BTF3L4: variants seen among roughly 807,000 people sequenced by gnomAD.
The protein encoded by BTF3L4 is transcription factor BTF3 homolog 4.
A neutral mutation model predicts 16.8 loss-of-function variants in BTF3L4; 6 were observed. That is an observed-to-expected ratio of 0.36 (90% confidence interval 0.20 to 0.71). The LOEUF (loss-of-function observed/expected upper bound fraction) is 0.71, where lower values mean the gene tolerates loss of function less well. Among genes scored for constraint, BTF3L4 ranks in the 30% least tolerant of loss-of-function variants. The probability of loss-of-function intolerance (pLI) is 0.58; values close to 1 mark genes in which losing one functional copy is unlikely to be tolerated. For synonymous variants in BTF3L4, 39 were observed against 59.8 expected, an observed-to-expected ratio of 0.65 and a Z score of 1.60; for missense variants, 92 against 186.9, an observed-to-expected ratio of 0.49 and a Z score of 2.96.
At chr1:52,084,697 C>T (rs770121642) in intron 4 of BTF3L4, among the ~76,000 whole-genome samples, 1 of 151,288 alleles carries the variant, frequency 6.6e-6, no homozygotes, top group African/African-American at 2.4e-5. Context: ...GAGGCTGATG[C>T]AGGAGGATCA....
Position 52,087,061 on chromosome 1 carries a change from G to A in BTF3L4, c.*303G>A. The stretch of plus-strand genomic sequence containing the variant: ...TTTTGGTGTATGTATGTTTATGTAT[G>A]TGTGTGGGTATGTGTGTATACAGTG... On this transcript the variant is annotated 3_prime_UTR_variant, in exon 6 of 6. Transcript: ENST00000313334. 3.7e-6 allele frequency: 1 copy of A among 267,332 alleles called. No individual in the cohort carries two copies. Among genetic ancestry groups the A allele is most frequent in the Non-Finnish European group, 7.0e-6 (1 of 142,400 alleles). 16.6% of individuals were successfully genotyped at this position (267,332 alleles called of 1,614,324 possible). A position where few individuals can be genotyped will look rare whatever the true frequency, so the allele number is the denominator to read the frequency against.
chr1:52,061,983 C>A (rs950669097), intron 2 of BTF3L4, among the ~76,000 whole-genome samples: 1 of 151,538 alleles, frequency 6.6e-6, no homozygotes, highest in African/African-American at 2.4e-5. Flanking sequence ...GTCGCCCAGG[C>A]TGTAGTGCAG....
intron 3 of BTF3L4, among the ~76,000 whole-genome samples, chr1:52,073,958 C>T (rs898447568): frequency 6.6e-6 from 1 of 152,014 alleles, no homozygotes; most frequent in African/African-American, 2.4e-5. Flanking sequence ...GATCGTGTCA[C>T]TGCACTGCAG....
chr1:52,061,955 A>G (rs1358176630), intron 2 of BTF3L4, among the ~76,000 whole-genome samples: 2 of 143,552 alleles, frequency 1.4e-5, no homozygotes, highest in Non-Finnish European at 3.1e-5. Context: ...TTTTTTTTTT[A>G]AGATGGAATC....
intron 3 of BTF3L4, among the ~76,000 whole-genome samples, chr1:52,066,885 T>A (rs1182317183): frequency 3.3e-5 from 5 of 151,846 alleles, no homozygotes; most frequent in African/African-American, 4.8e-5. Flanking sequence ...TGGTATCACC[T>A]CACAATTTTA....
chr1:52,064,627 G>T (rs559242419), intron 2 of BTF3L4, among the ~76,000 whole-genome samples, 198 bp from the exon 3 acceptor site: 1 of 152,272 alleles, frequency 6.6e-6, no homozygotes, highest in East Asian at 1.9e-4. Context: ...GGAAAAAAAA[G>T]GAACTGGCTA....
At chr1:52,076,002 A>G (rs2124435887) in intron 3 of BTF3L4, among the ~76,000 whole-genome samples, 1 of 152,334 alleles carries the variant, frequency 6.6e-6, no homozygotes, top group South Asian at 2.1e-4. Context: ...TGGCTGAAAG[A>G]GCCATGAACA....
rs1327465857 is a variant in BTF3L4, at chr1:52,086,187, T to G, written c.430+16T>G. 3 of 1,600,080 alleles carry G rather than the reference T, an allele frequency of 1.9e-6. No homozygotes were observed. Among genetic ancestry groups the G allele is most frequent in the Non-Finnish European group, 1.7e-6 (2 of 1,171,506 alleles). On this transcript the variant is annotated intron_variant, in intron 5 of 5. Transcript: ENST00000313334. ...GATGTTCCAGGTAAGTGACATTTCC[T>G]TAGACTTAAGATTTTAAGCATCCTG... is the stretch of plus-strand genomic sequence containing the variant.
intron 3 of BTF3L4, among the ~76,000 whole-genome samples, chr1:52,066,686 TA>T (rs547590841): frequency 6.2e-5 from 9 of 146,326 alleles, no homozygotes; most frequent in South Asian, 2.2e-4. Context: ...TACTAAAAAT[TA>T]AAAAAAAAAT....
At position 52,056,427 on chromosome 1, in the gene BTF3L4, C is replaced by T. The variant is rs904612980; in HGVS notation, c.-14+48C>T. The T allele has an allele frequency of 3.3e-5, 5 of 153,040 alleles. No individual in the cohort carries two copies. The East Asian group carries it at 9.6e-4, about 29-fold the overall frequency. The allele number at this position is 153,040 out of a possible 1,614,324, so 9.5% of individuals were successfully genotyped here. Reference sequence around the variant, plus strand: ...CACTTCACGGCCATAGGCCGCTGCGCACGGTCTCCCCCCGCCCTCCCCTTC... The same window carrying T: ...CACTTCACGGCCATAGGCCGCTGCGTACGGTCTCCCCCCGCCCTCCCCTTC... On this transcript the variant is annotated intron_variant, in intron 1 of 5. Transcript: ENST00000313334.
intron 1 of BTF3L4, among the ~76,000 whole-genome samples, chr1:52,058,280 C>T (rs1197434522): frequency 6.6e-6 from 1 of 152,148 alleles, no homozygotes. Context: ...TGTGATACAG[C>T]GCTGAGCAGA....
At chr1:52,059,691 T>C (rs943204919) in intron 1 of BTF3L4, 144 bp from the exon 2 acceptor site, 7 of 466,902 alleles carry the variant, frequency 1.5e-5, no homozygotes, top group Non-Finnish European at 2.7e-5. Flanking sequence ...GTTATTAATG[T>C]TTATTAAGAA....
At chr1:52,064,706 A>T in intron 2 of BTF3L4, 119 bp from the exon 3 acceptor site, 1 of 568,000 alleles carries the variant, frequency 1.8e-6, no homozygotes, top group East Asian at 3.1e-5. Flanking sequence ...AACATTAATC[A>T]TTATTATTTT....
intron 4 of BTF3L4, among the ~76,000 whole-genome samples, chr1:52,083,746 G>A (rs1322970170): frequency 2.6e-5 from 4 of 152,092 alleles, no homozygotes; most frequent in East Asian, 1.9e-4. Context: ...ATGGCTGGGC[G>A]TGGTGGCTCA....
chr1:52,074,190 G>GT (rs543816842), intron 3 of BTF3L4, among the ~76,000 whole-genome samples: 26 of 151,062 alleles, frequency 1.7e-4, no homozygotes, highest in South Asian at 1.7e-3. Context: ...GTTTGGTTTG[G>GT]TTTTTTTTGT....
intron 2 of BTF3L4, chr1:52,060,737 G>GCC (rs1686487482): frequency 1.8e-6 from 1 of 542,692 alleles, no homozygotes; most frequent in Admixed American, 5.7e-5. Context: ...CTGGGGATGA[G>GCC]CACAAGGGAA....
At chr1:52,065,186 T>G (rs1686613782) in intron 3 of BTF3L4, 1 of 248,754 alleles carries the variant, frequency 4.0e-6, no homozygotes, top group Non-Finnish European at 7.7e-6. Flanking sequence ...CAAAATTATG[T>G]AAGTGTTCTT....
chr1:52,057,063 TA>T (rs1686385334), intron 1 of BTF3L4, among the ~76,000 whole-genome samples: 1 of 152,340 alleles, frequency 6.6e-6, no homozygotes, highest in South Asian at 2.1e-4. Context: ...GATAATGTTT[TA>T]ACCCTCAAAA....
intron 2 of BTF3L4, among the ~76,000 whole-genome samples, chr1:52,062,690 C>T (rs939104280): frequency 2.0e-5 from 3 of 152,094 alleles, no homozygotes; most frequent in Non-Finnish European, 2.9e-5. Flanking sequence ...TAGCTGCTGG[C>T]GTTGTGGAAA....
Sources: allele counts gnomAD v4.1 joint callset (sites outside exome capture counted in the v4.1 genomes callset), GRCh38; gene constraint gnomAD v4.1.1; transcripts MANE v1.5; gene names NCBI Gene and HGNC (gene_info 2026-07-23, HGNC 2026-07-21).